FGGY: variants seen among roughly 807,000 people sequenced by gnomAD.
The protein encoded by FGGY is FGGY carbohydrate kinase domain-containing protein.
Under a neutral mutation model 71.3 loss-of-function variants are expected in FGGY, and 72 were observed. The observed-to-expected ratio is 1.01, with a 90% confidence interval of 0.84 to 1.23. FGGY has a LOEUF of 1.23. Among genes scored for constraint, FGGY ranks in the 50% most tolerant of loss-of-function variants. The pLI, the probability that FGGY is intolerant of heterozygous loss-of-function variation, is 0.00. For missense variants in FGGY, 668 were observed against 682.3 expected (o/e 0.98, Z 0.23); for synonymous variants, 251 against 250.3 (o/e 1.00, Z -0.02).
chr1:59,499,301 T>TTTTTTTTTTTG lies in FGGY; in HGVS notation c.671-13000_671-12999insGTTTTTTTTTT, dbSNP rs1441216187. On this transcript the variant is annotated intron_variant, in intron 6 of 15. Coordinates refer to ENST00000303721, the MANE Select transcript of FGGY (RefSeq NM_018291.5). ...TGAACCCTATGTATACTATGTTTGT[T>TTTTTTTTTTTG]TTTTTTTTTTTTTTGATCTGGTAAC... 2.1e-4 allele frequency among the ~76,000 whole-genome samples: 29 copies of TTTTTTTTTTTG among 140,966 alleles called. 1 individual carries two copies. The highest frequency in any genetic ancestry group is 7.1e-5 in the Admixed American group (1 of 14,002). 92.5% of individuals were successfully genotyped at this position (140,966 alleles called of 152,430 possible).
intron 6 of FGGY, among the ~76,000 whole-genome samples, chr1:59,463,769 G>C (rs967836523): frequency 1.3e-5 from 2 of 151,846 alleles, no homozygotes; most frequent in African/African-American, 2.4e-5. Flanking sequence ...AGACAAAGAA[G>C]GCCATTACAT....
At chr1:59,602,074 G>A (rs2096583573) in intron 8 of FGGY, among the ~76,000 whole-genome samples, 1 of 152,186 alleles carries the variant, frequency 6.6e-6, no homozygotes, top group Admixed American at 6.5e-5. Flanking sequence ...AGCTGGGCTA[G>A]AACAACTCAG....
chr1:59,388,104 T>A (rs2060282374), intron 5 of FGGY, among the ~76,000 whole-genome samples: 1 of 152,012 alleles, frequency 6.6e-6, no homozygotes, highest in African/African-American at 2.4e-5. Context: ...AGAAGTGCAG[T>A]TAAACCCCGT....
chr1:59,687,704 G>A (rs528777853), intron 14 of FGGY, among the ~76,000 whole-genome samples: 13 of 151,014 alleles, frequency 8.6e-5, no homozygotes, highest in East Asian at 5.8e-4. Flanking sequence ...TCCTGACCTC[G>A]TGATCCACCC....
chr1:59,534,666 G>C (rs1312752885), intron 7 of FGGY, among the ~76,000 whole-genome samples: 1 of 151,990 alleles, frequency 6.6e-6, no homozygotes, highest in African/African-American at 2.4e-5. Flanking sequence ...AAGAGAGTGG[G>C]GGCCAATATT....
At chr1:59,758,278 G>T (rs1349528701) in intron 15 of FGGY, among the ~76,000 whole-genome samples, 1 of 152,160 alleles carries the variant, frequency 6.6e-6, no homozygotes, top group African/African-American at 2.4e-5. Context: ...CTAAAGTAGG[G>T]ATCTCTTATA....
At chr1:59,430,155 G>T (rs1211625116) in intron 5 of FGGY, among the ~76,000 whole-genome samples, 1 of 152,172 alleles carries the variant, frequency 6.6e-6, no homozygotes, top group Non-Finnish European at 1.5e-5. Flanking sequence ...TTTTAGAAAA[G>T]CCAAGAATTA....
chr1:59,375,307 T>A (rs116746067), intron 4 of FGGY, among the ~76,000 whole-genome samples: 1 of 149,678 alleles, frequency 6.7e-6, no homozygotes, highest in African/African-American at 2.5e-5. Flanking sequence ...AAAAACTGCA[T>A]GGGATCCTCA....
chr1:59,388,885 C>T (rs1021782173), intron 5 of FGGY, among the ~76,000 whole-genome samples: 4 of 152,046 alleles, frequency 2.6e-5, no homozygotes, highest in Non-Finnish European at 5.9e-5. Flanking sequence ...ATTTCTAAAA[C>T]TTATTTATCA....
chr1:59,496,410 G>T (rs1259897643), intron 6 of FGGY, among the ~76,000 whole-genome samples: 1 of 152,158 alleles, frequency 6.6e-6, no homozygotes, highest in Non-Finnish European at 1.5e-5. Context: ...ATTATCCTAA[G>T]CAAACTAATG....
intron 2 of FGGY, among the ~76,000 whole-genome samples, chr1:59,325,202 A>C (rs1336255497): frequency 4.0e-5 from 6 of 151,622 alleles, no homozygotes; most frequent in African/African-American, 1.2e-4. Context: ...AAATACAAAA[A>C]AAAAATTAAC....
intron 4 of FGGY, among the ~76,000 whole-genome samples, chr1:59,376,863 T>C (rs1178547129): frequency 6.6e-6 from 1 of 152,246 alleles, no homozygotes; most frequent in African/African-American, 2.4e-5. Flanking sequence ...CTAGTTCCTC[T>C]GTCTTCTTTA....
intron 15 of FGGY, 27 bp downstream of exon 15, chr1:59,758,019 G>A: frequency 6.4e-7 from 1 of 1,550,744 alleles, no homozygotes; most frequent in Non-Finnish European, 8.9e-7. Context: ...TATATGTACA[G>A]TGCTAAGGAA....
intron 1 of FGGY, among the ~76,000 whole-genome samples, chr1:59,313,599 C>G (rs1474161072): frequency 6.6e-6 from 1 of 152,072 alleles, no homozygotes; most frequent in Non-Finnish European, 1.5e-5. Context: ...CACACACACA[C>G]ACACATGATG....
rs569451408 is a variant in FGGY, at chr1:59,588,642, C to G, written c.904-19161C>G. ...AGAGTGGGGGCCAATATTTAACATTCTTAAAGAAAAGAATTTTCAATCCAG... is the reference window on the plus strand; with the variant it reads ...AGAGTGGGGGCCAATATTTAACATTGTTAAAGAAAAGAATTTTCAATCCAG... On this transcript the variant is annotated intron_variant, in intron 8 of 15. Transcript: ENST00000303721. Among the ~76,000 whole-genome samples, 75 of 152,144 alleles carry G rather than the reference C, an allele frequency of 4.9e-4. 2 individuals are homozygous for G. Among genetic ancestry groups the G allele is most frequent in the East Asian group, 7.7e-4 (4 of 5,178 alleles).
chr1:59,324,141 A>C (rs1209816065), intron 2 of FGGY, among the ~76,000 whole-genome samples: 2 of 152,154 alleles, frequency 1.3e-5, no homozygotes, highest in Non-Finnish European at 2.9e-5. Context: ...TAGTTAAAGC[A>C]ACAGTAAGGA....
chr1:59,400,159 C>T (rs764634577), intron 5 of FGGY, among the ~76,000 whole-genome samples: 4 of 152,140 alleles, frequency 2.6e-5, no homozygotes, highest in Non-Finnish European at 5.9e-5. Context: ...GATATTTCAG[C>T]CTGTATTTTC....
intron 8 of FGGY, among the ~76,000 whole-genome samples, chr1:59,574,675 C>A (rs2153740266): frequency 6.6e-6 from 1 of 152,196 alleles, no homozygotes; most frequent in South Asian, 2.1e-4. Context: ...TAAAAGAAAT[C>A]AAATTTCTGT....
intron 11 of FGGY, among the ~76,000 whole-genome samples, chr1:59,642,147 A>G (rs943340112): frequency 3.3e-5 from 5 of 152,202 alleles, no homozygotes; most frequent in Non-Finnish European, 5.9e-5. Flanking sequence ...GAAAGGCCTT[A>G]GTAGTTCTGT....
Sources: gnomAD v4.1 joint callset for allele counts (sites outside exome capture counted in the v4.1 genomes callset) on GRCh38, gnomAD v4.1.1 for gene constraint, MANE v1.5 for transcripts, NCBI Gene and HGNC (gene_info 2026-07-23, HGNC 2026-07-21) for gene names.